Variants in CDYL observed in about 807,000 individuals in gnomAD.
CDYL encodes chromodomain Y-like protein.
A neutral mutation model predicts 47.3 loss-of-function variants in CDYL; 8 were observed. The ratio of observed to expected loss-of-function variants is 0.17; its 90% CI spans 0.10 to 0.31. The LOEUF (loss-of-function observed/expected upper bound fraction) is 0.31, where lower values mean the gene tolerates loss of function less well. CDYL is among the 10% of genes least tolerant of loss of function. The pLI, the probability that CDYL is intolerant of heterozygous loss-of-function variation, is 1.00. For missense variants in CDYL, 471 were observed against 701.4 expected, an observed-to-expected ratio of 0.67 and a Z score of 3.71; for synonymous variants, 266 against 265.0, an observed-to-expected ratio of 1.00 and a Z score of -0.04.
At chr6:4,881,052 G>T (rs1761749123) in intron 1 of CDYL, among the ~76,000 whole-genome samples, 1 of 151,994 alleles carries the variant, frequency 6.6e-6, no homozygotes, top group Non-Finnish European at 1.5e-5. Context: ...GTGTCTTTAT[G>T]TGGCATCATT....
At chr6:4,760,166 T>A (rs1352515334) in intron 3 of CDYL, among the ~76,000 whole-genome samples, 1 of 151,728 alleles carries the variant, frequency 6.6e-6, no homozygotes, top group Admixed American at 6.6e-5. Context: ...AGAACATCCC[T>A]CAGCTCAGTG....
At chr6:4,776,114 A>C (rs1581158341), upstream of CDYL, among the ~76,000 whole-genome samples, 2 of 147,800 alleles carry the variant, frequency 1.4e-5, no homozygotes, top group Admixed American at 6.7e-5. Context: ...GGCCAGGCCG[A>C]CCCCGCAAGC....
At chr6:4,945,751 C>T (rs999791451) in intron 5 of CDYL, among the ~76,000 whole-genome samples, 5 of 152,380 alleles carry the variant, frequency 3.3e-5, no homozygotes, top group South Asian at 2.1e-4. Flanking sequence ...GCCGTGCCGA[C>T]GCCCTACCAG....
At chr6:4,883,150 C>T (rs757629494) in intron 1 of CDYL, among the ~76,000 whole-genome samples, 3 of 152,032 alleles carry the variant, frequency 2.0e-5, no homozygotes, top group Admixed American at 1.3e-4. Context: ...AAATAGCTCC[C>T]GAAATAGGAA....
chr6:4,844,288 T>C (rs747986051), intron 1 of CDYL, among the ~76,000 whole-genome samples: 1 of 152,174 alleles, frequency 6.6e-6, no homozygotes, highest in Non-Finnish European at 1.5e-5. Context: ...AGCCAGTAGG[T>C]GGCGCTGTCA....
At chr6:4,765,152 T>C (rs2127424096) in intron 3 of CDYL, among the ~76,000 whole-genome samples, 1 of 152,138 alleles carries the variant, frequency 6.6e-6, no homozygotes, top group African/African-American at 2.4e-5. Context: ...ACGAAACCCA[T>C]CTCTACTAAA....
At chr6:4,934,806 CA>C (rs1364766983) in intron 2 of CDYL, among the ~76,000 whole-genome samples, 7 of 152,106 alleles carry the variant, frequency 4.6e-5, no homozygotes, top group Non-Finnish European at 2.9e-5. Flanking sequence ...AAGACCCTGG[CA>C]AAACACAGTT....
intron 3 of CDYL, among the ~76,000 whole-genome samples, chr6:4,756,194 G>T (rs887793706): frequency 2.0e-5 from 3 of 152,088 alleles, no homozygotes; most frequent in African/African-American, 7.2e-5. Flanking sequence ...GGCAGCAGTT[G>T]CCCTGTCCTC....
chr6:4,781,199 G>GATGATCA (rs1758609542), intron 1 of CDYL, among the ~76,000 whole-genome samples: 1 of 152,160 alleles, frequency 6.6e-6, no homozygotes, highest in African/African-American at 2.4e-5. Flanking sequence ...GGATTTGCAG[G>GATGATCA]GGAAGGTAGG....
chr6:4,893,495 C>A (rs1455743866), intron 2 of CDYL, among the ~76,000 whole-genome samples: 1 of 152,200 alleles, frequency 6.6e-6, no homozygotes, highest in African/African-American at 2.4e-5. Context: ...GAGTTCGAGA[C>A]CAGCCTGGCC....
In CDYL at chr6:4,853,535, A is replaced by G. The variant is rs147116647; in HGVS notation, c.25-38178A>G. On this transcript the variant is annotated intron_variant, in intron 1 of 6. Transcript: ENST00000397588. ...CCTCCTCCCTTCCTCTCCCATTTTT[A>G]GTACCAAGGATAGCTCTTAAAGTAT... Among the ~76,000 whole-genome samples the G allele has an allele frequency of 4.6e-5, 7 of 152,026 alleles. No homozygotes were observed. The East Asian group carries it at 1.4e-3, about 29-fold the overall frequency.
At chr6:4,883,381 T>G (rs1561685486) in intron 1 of CDYL, among the ~76,000 whole-genome samples, 1 of 152,338 alleles carries the variant, frequency 6.6e-6, no homozygotes, top group East Asian at 1.9e-4. Context: ...CCATTCCTCC[T>G]TGCCAGACCA....
intron 2 of CDYL, among the ~76,000 whole-genome samples, chr6:4,726,810 A>G (rs1023721773): frequency 6.6e-6 from 1 of 152,176 alleles, no homozygotes; most frequent in Non-Finnish European, 1.5e-5. Context: ...CTAATGTCTC[A>G]TGAAAAGACA....
intron 1 of CDYL, chr6:4,715,000 T>C (rs1162835128): frequency 2.0e-5 from 3 of 150,904 alleles, no homozygotes; most frequent in Non-Finnish European, 4.4e-5. Flanking sequence ...TCAGTTGTTT[T>C]TTATTTTTCC....
In CDYL at chr6:4,912,342, T is replaced by C. The variant is rs192914285; in HGVS notation, c.691+19963T>C. The stretch of plus-strand genomic sequence containing the variant: ...GGATAACACGGCCGCTTCTCATTTG[T>C]GTAGACAACCCCAGCTCATCATCAT... On this transcript the variant is annotated intron_variant, in intron 2 of 6. Transcript: ENST00000397588. Among the ~76,000 whole-genome samples the C allele has an allele frequency of 1.4e-4, 21 of 152,338 alleles. No individual in the cohort carries two copies. In the East Asian group the frequency reaches 4.1e-3, roughly 29 times the overall value.
chr6:4,888,637 T>A (rs1285548474), intron 1 of CDYL, among the ~76,000 whole-genome samples: 1 of 152,188 alleles, frequency 6.6e-6, no homozygotes, highest in Non-Finnish European at 1.5e-5. Context: ...AGTTCTAAAT[T>A]GTTTCTTTTC....
chr6:4,717,144 C>G (rs780173920), intron 2 of CDYL, among the ~76,000 whole-genome samples: 1 of 152,058 alleles, frequency 6.6e-6, no homozygotes, highest in Non-Finnish European at 1.5e-5. Context: ...AAGAGGTTGT[C>G]GTGGCTGGAG....
chr6:4,776,805 G>T lies in CDYL; in HGVS notation c.22G>T (p.Glu8Ter). 9.0e-7 allele frequency: 1 copy of T among 1,107,354 alleles called. No individual in the cohort carries two copies. Among genetic ancestry groups the T allele is most frequent in the Non-Finnish European group, 1.1e-6 (1 of 895,356 alleles). The allele number at this position is 1,107,354 out of a possible 1,614,324, so 68.6% of individuals were successfully genotyped here. MASEELY[E>*]VERIVDKRKN... Reference sequence around the variant, plus strand: ...CACCATGGCTTCCGAGGAGCTGTACGAGGTACCTCCCCTCCCCCCGGCCTC... The same window carrying T: ...CACCATGGCTTCCGAGGAGCTGTACTAGGTACCTCCCCTCCCCCCGGCCTC... Residue 8 changes from glutamate to a stop codon, truncating the protein, a stop_gained and splice_region_variant, in exon 1 of 7, where the codon GAG (glutamate) becomes TAG (stop). Transcript: ENST00000397588. LOFTEE classifies it high-confidence loss of function.
At chr6:4,806,889 A>G (rs1759385265) in intron 1 of CDYL, among the ~76,000 whole-genome samples, 1 of 152,238 alleles carries the variant, frequency 6.6e-6, no homozygotes, top group African/African-American at 2.4e-5. Context: ...CAAGTGGCTC[A>G]GGCAACAGAC....
Sources: allele counts gnomAD v4.1 joint callset (sites outside exome capture counted in the v4.1 genomes callset), GRCh38; gene constraint gnomAD v4.1.1; transcripts MANE v1.5; gene names NCBI Gene and HGNC (gene_info 2026-07-23, HGNC 2026-07-21).